PROX2: variants seen among roughly 807,000 people sequenced by gnomAD.
PROX2 encodes the protein prospero homeobox 2.
Under a neutral mutation model 48.9 loss-of-function variants are expected in PROX2, and 46 were observed. The observed-to-expected ratio is 0.94, with a 90% CI of 0.74 to 1.20. The LOEUF (loss-of-function observed/expected upper bound fraction) is 1.20. PROX2 is among the 50% of genes most tolerant of loss of function. PROX2 has a pLI of 0.00. For synonymous variants in PROX2, 260 were observed against 276.6 expected (o/e 0.94, Z 0.60); for missense variants, 663 against 719.4 (o/e 0.92, Z 0.90).
chr14:74,858,313 C>T (rs983260423), intron 4 of PROX2, 94 bp downstream of exon 4: 4 of 700,412 alleles, frequency 5.7e-6, no homozygotes, highest in African/African-American at 5.3e-5. Flanking sequence ...GCTTGAAGTG[C>T]ACATATGATG....
chr14:74,869,277 C>A (rs1407084312), intron 2 of PROX2, among the ~76,000 whole-genome samples: 1 of 147,922 alleles, frequency 6.8e-6, no homozygotes, highest in African/African-American at 2.6e-5. Flanking sequence ...GCAGAACCTT[C>A]AACTTTTTTT....
chr14:74,866,258 GAAAAACA>G (rs931924834), intron 2 of PROX2, among the ~76,000 whole-genome samples: 14 of 151,898 alleles, frequency 9.2e-5, no homozygotes, highest in Non-Finnish European at 1.5e-4. Context: ...ACTCCGTCTC[GAAAAACA>G]AAAAACAAAA....
intron 4 of PROX2, chr14:74,857,510 T>C (rs2091753636): frequency 6.5e-6 from 1 of 153,674 alleles, no homozygotes; most frequent in South Asian, 2.0e-4. Context: ...AAAGCTTGAA[T>C]GATGTAGACC....
At chr14:74,857,674 A>G (rs2091755335) in intron 4 of PROX2, 1 of 151,930 alleles carries the variant, frequency 6.6e-6, no homozygotes, top group African/African-American at 2.4e-5. Flanking sequence ...TTTGAACTAT[A>G]GCAATTTGAA....
intron 3 of PROX2, chr14:74,858,749 AGAT>A (rs1194893034): frequency 2.4e-5 from 11 of 462,368 alleles, no homozygotes; most frequent in Admixed American, 1.0e-4. Context: ...TATGTAGCAT[AGAT>A]GATGTCAAAT....
Position 74,856,826 on chromosome 14 carries a change from T to C in PROX2, c.1583A>G (p.His528Arg). The change falls in exon 5 of 6, where the codon CAC (histidine) becomes CGC (arginine). Residue 528 changes from histidine (H) to arginine (R), a missense_variant. Physicochemically the swap from His to Arg is conservative, Grantham distance 29. Coordinates refer to ENST00000556489, the MANE Select transcript of PROX2 (RefSeq NM_001243007.2). ...NSELFQALNM[H>R]YNKGNDFEVP... is the part of the protein sequence containing the mutation. ...CTCAAAGTCATTTCCCTTGTTGTAGTGCATATTGAGAGCTTGAAAAAGTTC... is the reference window on the plus strand; with the variant it reads ...CTCAAAGTCATTTCCCTTGTTGTAGCGCATATTGAGAGCTTGAAAAAGTTC... 3 of 1,614,008 alleles carry C rather than the reference T, an allele frequency of 1.9e-6. No homozygotes were observed. The highest frequency in any genetic ancestry group is 2.5e-6 in the Non-Finnish European group (3 of 1,179,856).
chr14:74,870,291 T>TGGCTTGTGCCAGTAGTCTCA (rs1883177790), intron 2 of PROX2, among the ~76,000 whole-genome samples: 1 of 150,964 alleles, frequency 6.6e-6, no homozygotes, highest in Non-Finnish European at 1.5e-5. Context: ...GGCATTGTGG[T>TGGCTTGTGCCAGTAGTCTCA]GGCTTGTGCC....
chr14:74,855,674 C>A (rs868310241), intron 5 of PROX2: 17 of 161,528 alleles, frequency 1.1e-4, no homozygotes, highest in Admixed American at 1.3e-4. Flanking sequence ...AAGGAGTGCC[C>A]CCAAGCTTCT....
rs748423943 is a variant in PROX2 at position 74,863,554 on chromosome 14, C to T, written c.281G>A (p.Arg94His). 5.6e-6 allele frequency: 9 copies of T among 1,613,354 alleles called. No homozygotes were observed. The East Asian group carries it at 6.7e-5, about 12-fold the overall frequency. The change falls in exon 3 of 6, where the codon CGC becomes CAC. Residue 94 changes from arginine to histidine, a missense_variant. Physicochemically the swap from Arg to His is conservative, Grantham distance 29 (BLOSUM62 0). Transcript: ENST00000556489. ...CCTCTCTCGGGCCTTCTTTGGGCAG[C>T]GTGGGCTGACCCCAGCTTGCGCATT... Reference protein sequence around the residue: ...PGNAQAGVSPRCPKKARERKR... With the variant: ...PGNAQAGVSPHCPKKARERKR...
At chr14:74,861,387 C>T (rs1244742999) in intron 3 of PROX2, among the ~76,000 whole-genome samples, 2 of 152,200 alleles carry the variant, frequency 1.3e-5, no homozygotes, top group African/African-American at 4.8e-5. Context: ...GGGCTGTGTA[C>T]ATTCTCCTCT....
chr14:74,861,308 A>G (rs2091793621), intron 3 of PROX2: 2 of 997,800 alleles, frequency 2.0e-6, no homozygotes, highest in African/African-American at 1.6e-5. Flanking sequence ...TTAAAAAGCA[A>G]CATCCAAAAT....
At chr14:74,872,440 C>T (rs1241192938) in intron 1 of PROX2, among the ~76,000 whole-genome samples, 2 of 152,190 alleles carry the variant, frequency 1.3e-5, no homozygotes, top group Non-Finnish European at 2.9e-5. Context: ...CCTGAAACAG[C>T]TGCTTTTACC....
At position 74,864,005 on chromosome 14, in the gene PROX2, A is replaced by C; in HGVS notation, c.-171T>G. The stretch of plus-strand genomic sequence containing the variant: ...CAGGGCTCATGAACCTCCTGGGCAG[A>C]CTCCTGAAATTAGAGACAGGAAGAA... On this transcript the variant is annotated 5_prime_UTR_variant, in exon 3 of 6. Transcript: ENST00000556489. 1 of 678,172 alleles carries C rather than the reference A, an allele frequency of 1.5e-6. No individual in the cohort carries two copies. The highest frequency in any genetic ancestry group is 2.1e-6 in the Non-Finnish European group (1 of 474,530). The allele number at this position is 678,172 out of a possible 1,614,324, so 42.0% of individuals were successfully genotyped here.
rs935562388 is a variant in PROX2 at position 74,862,386 on chromosome 14, G to A, written c.1305+144C>T. The A allele has an allele frequency of 1.0e-4, 88 of 852,880 alleles. No homozygotes were observed. The East Asian group carries it at 2.3e-3, about 22-fold the overall frequency. 52.8% of individuals were successfully genotyped at this position (852,880 alleles called of 1,614,324 possible). On this transcript the variant is annotated intron_variant, in intron 3 of 5. Transcript: ENST00000556489. ...ATAATTTTTTATTTTTAGAGATGGG[G>A]TCTAGCTATGTTGTGCAGGCTAGTC...
chr14:74,858,412 C>T lies in PROX2; in HGVS notation c.1408G>A (p.Val470Ile). The T allele has an allele frequency of 6.4e-7, 1 of 1,558,570 alleles. No individual in the cohort carries two copies. The highest frequency in any genetic ancestry group is 2.3e-5 in the East Asian group (1 of 42,938). Reference sequence around the variant, plus strand: ...ATTTAGTTGAGTGACTTTACCTGAACATCAGGAAAATAAACCTTCAGGAGG... The same window carrying T: ...ATTTAGTTGAGTGACTTTACCTGAATATCAGGAAAATAAACCTTCAGGAGG... Reference protein sequence around the residue: ...SNLLKVYFPDVQFNRCITSQM... With the variant: ...SNLLKVYFPDIQFNRCITSQM... The change falls in exon 4 of 6, where the codon GTT (valine) becomes ATT (isoleucine). Residue 470 changes from valine to isoleucine, a missense_variant. Coordinates refer to ENST00000556489, the MANE Select transcript of PROX2 (RefSeq NM_001243007.2).
At chr14:74,858,273 A>G in intron 4 of PROX2, 134 bp downstream of exon 4, 1 of 597,908 alleles carries the variant, frequency 1.7e-6, no homozygotes. Context: ...CCAGAACTGG[A>G]CATTGCTTCC....
Position 74,854,165 on chromosome 14 carries a change from GCTT to G in PROX2, c.*964_*966del, listed in dbSNP as rs1364755759. 3.1e-5 allele frequency: 12 copies of G among 387,018 alleles called. No homozygotes were observed. In the East Asian group the frequency reaches 5.0e-4, roughly 16 times the overall value. 24.0% of individuals were successfully genotyped at this position (387,018 alleles called of 1,614,324 possible). Reference sequence around the variant, plus strand: ...TCTACCTTTCACAGTCTGAAGTTCAGCTTCTTCTGCATATATGAGGTTGGGGCA... The same window carrying G: ...TCTACCTTTCACAGTCTGAAGTTCAGCTTCTGCATATATGAGGTTGGGGCA... On this transcript the variant is annotated 3_prime_UTR_variant, in exon 6 of 6. Transcript: ENST00000556489.
chr14:74,853,310 C>G lies in PROX2; in HGVS notation c.*1822G>C, dbSNP rs952502258. The stretch of plus-strand genomic sequence containing the variant: ...TGTCTAACTTAGGTATGTAATGTCA[C>G]TCTGGATAGAGGGTTCTTCTACTAT... On this transcript the variant is annotated 3_prime_UTR_variant, in exon 6 of 6. Transcript: ENST00000556489. 2 of 152,192 alleles carry G rather than the reference C, an allele frequency of 1.3e-5. No individual in the cohort carries two copies. The highest frequency in any genetic ancestry group is 1.5e-5 in the Non-Finnish European group (1 of 68,042). The allele number at this position is 152,192 out of a possible 1,614,324, so 9.4% of individuals were successfully genotyped here.
intron 3 of PROX2, chr14:74,859,524 C>T (rs1197960016): frequency 2.0e-5 from 3 of 152,176 alleles, no homozygotes; most frequent in East Asian, 1.9e-4. Context: ...AGACAGATTC[C>T]TTCCCCTTTA....
Sources: gnomAD v4.1 joint callset for allele counts (sites outside exome capture counted in the v4.1 genomes callset) on GRCh38, gnomAD v4.1.1 for gene constraint, MANE v1.5 for transcripts, NCBI Gene and HGNC (gene_info 2026-07-23, HGNC 2026-07-21) for gene names.